LRCH1: variants seen among roughly 807,000 people sequenced by gnomAD.
The protein encoded by LRCH1 is leucine-rich repeat and calponin homology domain-containing protein 1.
In LRCH1, 23 loss-of-function variants were observed where a neutral mutation model predicts 94.9. The ratio of observed to expected loss-of-function variants is 0.24; its 90% CI spans 0.17 to 0.34. LRCH1 has a LOEUF of 0.34. Among genes scored for constraint, LRCH1 ranks in the 10% least tolerant of loss-of-function variants. The pLI is 1.00. For synonymous variants in LRCH1, 364 were observed against 354.9 expected (o/e 1.03, Z -0.29); for missense variants, 790 against 945.9 (o/e 0.84, Z 2.16).
intron 7 of LRCH1, among the ~76,000 whole-genome samples, chr13:46,692,322 CG>C (rs1870940607): frequency 6.6e-6 from 1 of 152,274 alleles, no homozygotes; most frequent in African/African-American, 2.4e-5. Context: ...AGCCCCACCC[CG>C]ACCCCAAGAA....
chr13:46,685,841 G>A (rs1870581088), intron 4 of LRCH1, 64 bp from the exon 5 acceptor site: 2 of 1,149,826 alleles, frequency 1.7e-6, no homozygotes, highest in Admixed American at 3.1e-5. Context: ...TGAATGATTA[G>A]CCATTTAATC....
chr13:46,676,887 C>T (rs2051681368), intron 3 of LRCH1, among the ~76,000 whole-genome samples: 1 of 152,186 alleles, frequency 6.6e-6, no homozygotes. Flanking sequence ...AAGCAATCCT[C>T]CCACCTTAGC....
At chr13:46,696,232 A>ACACACT (rs1421449764) in intron 9 of LRCH1, among the ~76,000 whole-genome samples, 13 of 140,288 alleles carry the variant, frequency 9.3e-5, no homozygotes, top group African/African-American at 3.5e-4. Flanking sequence ...ACACACACAC[A>ACACACT]CTCTTTATAT....
In LRCH1 at chr13:46,744,166, C is replaced by T. The variant is rs1320107908; in HGVS notation, c.*2318C>T. ...CACCAGCCCATATGCTAACTGGATGCCTGCGGATGCCTGCCCTTGCAGCTT... is the reference window on the plus strand; with the variant it reads ...CACCAGCCCATATGCTAACTGGATGTCTGCGGATGCCTGCCCTTGCAGCTT... On this transcript the variant is annotated 3_prime_UTR_variant, in exon 20 of 20. Transcript: ENST00000389797. The T allele has an allele frequency of 4.1e-6, 4 of 985,208 alleles. No homozygotes were observed. Among genetic ancestry groups the T allele is most frequent in the Non-Finnish European group, 4.8e-6 (4 of 829,922 alleles). The allele number at this position is 985,208 out of a possible 1,614,324, so 61.0% of individuals were successfully genotyped here.
At chr13:46,691,829 A>C (rs78025351) in intron 7 of LRCH1, among the ~76,000 whole-genome samples, 1 of 152,192 alleles carries the variant, frequency 6.6e-6, no homozygotes, top group Non-Finnish European at 1.5e-5. Flanking sequence ...AGCTAGGACT[A>C]TAGGTGTGTG....
intron 1 of LRCH1, among the ~76,000 whole-genome samples, chr13:46,591,394 C>T (rs866347577): frequency 6.0e-4 from 91 of 152,128 alleles, no homozygotes; most frequent in African/African-American, 2.0e-3. Context: ...ATTCCAGTAA[C>T]ATTTTTATGA....
At position 46,662,191 on chromosome 13, in the gene LRCH1, T is replaced by A. The variant is rs183188142; in HGVS notation, c.453-6839T>A. 3.9e-5 allele frequency among the ~76,000 whole-genome samples: 6 copies of A among 152,284 alleles called. 1 individual carries two copies. In the East Asian group the frequency reaches 1.2e-3, roughly 29 times the overall value. ...GGAAGAGAAGCAAAGTAGGAATACC[T>A]TCCTGATAGTAGGAAACTAGGGTTG... is the stretch of plus-strand genomic sequence containing the variant. On this transcript the variant is annotated intron_variant, in intron 2 of 19. Coordinates refer to ENST00000389797, the MANE Select transcript of LRCH1 (RefSeq NM_001164211.2).
intron 1 of LRCH1, among the ~76,000 whole-genome samples, chr13:46,634,673 T>C (rs1456616115): frequency 6.6e-6 from 1 of 152,248 alleles, no homozygotes; most frequent in Non-Finnish European, 1.5e-5. Flanking sequence ...ATCTAACTCT[T>C]CATACATTTT....
chr13:46,590,905 T>A (rs1535792), intron 1 of LRCH1, among the ~76,000 whole-genome samples: 124,117 of 152,042 alleles, frequency 0.82, 50,939 homozygotes, highest in East Asian at 0.91. Context: ...CTTTTCTTTT[T>A]TCTTTTCGAT....
intron 9 of LRCH1, 139 bp downstream of exon 9, chr13:46,695,156 A>G: frequency 1.0e-6 from 1 of 973,940 alleles, no homozygotes; most frequent in Non-Finnish European, 1.5e-6. Context: ...CAAACATCTC[A>G]GCGCTCAGCG....
chr13:46,696,023 A>G (rs144437460), intron 9 of LRCH1, among the ~76,000 whole-genome samples: 5 of 152,306 alleles, frequency 3.3e-5, no homozygotes, highest in African/African-American at 1.2e-4. Flanking sequence ...TCATTAATCC[A>G]TACATCCTTG....
intron 17 of LRCH1, among the ~76,000 whole-genome samples, chr13:46,726,887 G>GAAC (rs1566252170): frequency 7.4e-6 from 1 of 135,266 alleles, no homozygotes; most frequent in African/African-American, 2.7e-5. Flanking sequence ...AAAAAAAAAG[G>GAAC]CAACTAAAAC....
intron 2 of LRCH1, among the ~76,000 whole-genome samples, chr13:46,650,912 G>A (rs1459717792): frequency 6.6e-6 from 1 of 152,160 alleles, no homozygotes; most frequent in Non-Finnish European, 1.5e-5. Flanking sequence ...ACTTAGGTCA[G>A]TGTTTGCTGA....
chr13:46,622,803 A>C (rs1594293425), intron 1 of LRCH1, among the ~76,000 whole-genome samples: 2 of 152,232 alleles, frequency 1.3e-5, no homozygotes, highest in Non-Finnish European at 2.9e-5. Context: ...ATTTTCCAGC[A>C]ACAGTTAGGA....
At chr13:46,712,825 A>C (rs57341729) in intron 15 of LRCH1, among the ~76,000 whole-genome samples, 6 of 152,224 alleles carry the variant, frequency 3.9e-5, no homozygotes, top group African/African-American at 1.2e-4. Context: ...CCGAGCAAAG[A>C]AAAAACAGGT....
At chr13:46,735,586 A>G (rs1873328313) in intron 19 of LRCH1, among the ~76,000 whole-genome samples, 1 of 152,226 alleles carries the variant, frequency 6.6e-6, no homozygotes, top group Non-Finnish European at 1.5e-5. Flanking sequence ...CTAAATTACC[A>G]TAAAAATCCA....
chr13:46,583,472 C>G (rs1312817842), intron 1 of LRCH1, among the ~76,000 whole-genome samples: 4 of 152,228 alleles, frequency 2.6e-5, no homozygotes, highest in Admixed American at 6.5e-5. Flanking sequence ...TTCTCTTGCT[C>G]TTTAACTTGG....
chr13:46,740,382 T>A (rs1487151061), intron 19 of LRCH1, among the ~76,000 whole-genome samples: 1 of 152,252 alleles, frequency 6.6e-6, no homozygotes, highest in Non-Finnish European at 1.5e-5. Context: ...AAAATTAGAA[T>A]GTTTTTAATC....
In LRCH1 at chr13:46,715,591, C is replaced by T. The variant is rs1593372237; in HGVS notation, c.1686C>T (p.Phe562=). 6.5e-7 allele frequency: 1 copy of T among 1,537,306 alleles called. No homozygotes were observed. Residue 562 remains phenylalanine (F), a synonymous_variant, in exon 16 of 20, where the codon TTC becomes TTT. Transcript: ENST00000389797. ...DPALILPPIS[F]NTLTQAQTWD... is the part of the protein sequence containing the mutation. ...CCCTCATTCTTCCTCCTATCTCCTT[C>T]AACACACTTACACAGGCACAGACAT...
Sources: allele counts gnomAD v4.1 joint callset (sites outside exome capture counted in the v4.1 genomes callset), GRCh38; gene constraint gnomAD v4.1.1; transcripts MANE v1.5; gene names NCBI Gene and HGNC (gene_info 2026-07-23, HGNC 2026-07-21).